The following SGCD variants were observed in gnomAD, a reference collection of about 807,000 sequenced individuals.
SGCD encodes delta-sarcoglycan.
SGCD carries 18 observed loss-of-function variants against 36.6 expected under a neutral mutation model. The observed-to-expected ratio is 0.49, with a 90% CI of 0.34 to 0.73. The LOEUF (loss-of-function observed/expected upper bound fraction) is 0.73, where lower values mean the gene tolerates loss of function less well. SGCD is among the 30% of genes least tolerant of loss of function. The probability of loss-of-function intolerance (pLI) is 0.01; values close to 1 mark genes in which losing one functional copy is unlikely to be tolerated. For synonymous variants in SGCD, 133 were observed against 130.6 expected (o/e 1.02, Z -0.12); for missense variants, 387 against 346.7 (o/e 1.12, Z -0.92).
chr5:156,304,386 A>G (rs927373067), intron 3 of SGCD, among the ~76,000 whole-genome samples: 3 of 152,234 alleles, frequency 2.0e-5, no homozygotes, highest in Admixed American at 1.3e-4. Flanking sequence ...ATGAGATCTG[A>G]TGGCTCTATA....
the SGCD span, among the ~76,000 whole-genome samples, chr5:155,791,962 C>A: frequency 6.6e-6 from 1 of 152,052 alleles, no homozygotes; most frequent in African/African-American, 2.4e-5. Context: ...CAATCCTCAG[C>A]AATAAGAATA....
the SGCD span, among the ~76,000 whole-genome samples, chr5:155,779,346 G>A: frequency 6.6e-6 from 1 of 152,022 alleles, no homozygotes; most frequent in Non-Finnish European, 1.5e-5. Context: ...GCTGAGGTGG[G>A]AGAATTGCTA....
chr5:156,229,259 T>TAC, intron 3 of SGCD, among the ~76,000 whole-genome samples: 1 of 84,016 alleles, frequency 1.2e-5, no homozygotes, highest in East Asian at 2.7e-4. Flanking sequence ...TATACATACA[T>TAC]ACATATATAT....
At chr5:155,816,952 C>T in the SGCD span, among the ~76,000 whole-genome samples, 5 of 152,124 alleles carry the variant, frequency 3.3e-5, no homozygotes, top group Admixed American at 1.3e-4. Flanking sequence ...TACTGCACAA[C>T]TGTTTTCATT....
intron 1 of SGCD, among the ~76,000 whole-genome samples, chr5:155,939,193 G>T (rs1473647134): frequency 1.3e-5 from 2 of 152,176 alleles, no homozygotes; most frequent in Admixed American, 6.5e-5. Flanking sequence ...ATTGCTAAGA[G>T]AATAGGTTTT....
At chr5:156,340,595 G>A (rs1042772541) in intron 2 of SGCD, among the ~76,000 whole-genome samples, 2 of 152,186 alleles carry the variant, frequency 1.3e-5, no homozygotes, top group African/African-American at 4.8e-5. Flanking sequence ...TAACACGAGG[G>A]GAAGTCAGAA....
intron 1 of SGCD, among the ~76,000 whole-genome samples, chr5:155,891,558 C>CTTTTTTTTTTTTTTT (rs372399423): frequency 0.018 from 1,099 of 60,688 alleles, 223 homozygotes; most frequent in African/African-American, 0.038. Context: ...AATAAATACT[C>CTTTTTTTTTTTTTTT]TTTTTTTTTT....
At chr5:155,748,728 G>T in the SGCD span, among the ~76,000 whole-genome samples, 2 of 152,132 alleles carry the variant, frequency 1.3e-5, no homozygotes, top group Non-Finnish European at 2.9e-5. Flanking sequence ...TGTCCATCAT[G>T]GCCCAAGCTG....
At chr5:155,782,144 C>A in the SGCD span, among the ~76,000 whole-genome samples, 1 of 151,958 alleles carries the variant, frequency 6.6e-6, no homozygotes, top group South Asian at 2.1e-4. Context: ...CCTGCTTCAG[C>A]CTCCTGAGTA....
At chr5:155,984,074 C>A (rs80045167) in intron 1 of SGCD, among the ~76,000 whole-genome samples, 6 of 152,302 alleles carry the variant, frequency 3.9e-5, no homozygotes, top group East Asian at 1.9e-4. Context: ...TGTTTGAAGA[C>A]CTTGTTGGCT....
chr5:156,540,823 C>T (rs1758321203), intron 4 of SGCD, among the ~76,000 whole-genome samples: 1 of 152,150 alleles, frequency 6.6e-6, no homozygotes, highest in African/African-American at 2.4e-5. Flanking sequence ...ACCACTTTTC[C>T]CACAAAGATG....
chr5:156,344,780 CA>C, intron 3 of SGCD, 103 bp downstream of exon 3: 1 of 828,046 alleles, frequency 1.2e-6, no homozygotes. Flanking sequence ...CAGTAGGACT[CA>C]AAAAATCTGT....
chr5:155,940,632 C>G (rs1757301791), intron 1 of SGCD, among the ~76,000 whole-genome samples: 1 of 152,054 alleles, frequency 6.6e-6, no homozygotes, highest in African/African-American at 2.4e-5. Context: ...GGTCACAAGT[C>G]AGGAGTTTGA....
intron 3 of SGCD, among the ~76,000 whole-genome samples, chr5:156,352,063 C>G (rs1282944711): frequency 6.6e-6 from 1 of 152,200 alleles, no homozygotes; most frequent in Non-Finnish European, 1.5e-5. Flanking sequence ...TATGAAGTCT[C>G]ATTCTAATAG....
chr5:156,167,711 A>G (rs1561547321), intron 3 of SGCD, among the ~76,000 whole-genome samples: 1 of 152,228 alleles, frequency 6.6e-6, no homozygotes, highest in Non-Finnish European at 1.5e-5. Flanking sequence ...TGCCATGGCT[A>G]AAAGTTACCT....
At chr5:156,261,362 C>G (rs553362824) in intron 3 of SGCD, among the ~76,000 whole-genome samples, 4 of 152,152 alleles carry the variant, frequency 2.6e-5, no homozygotes, top group Non-Finnish European at 5.9e-5. Flanking sequence ...TTAATACAGA[C>G]ACACACCACA....
rs997631179 is a variant in SGCD at position 156,319,317 on chromosome 5, A to G, written c.-43-10217A>G. ...GAAAATACAGGAATGTTTTTCTTCA[A>G]TTCATTCCAGCAGATATTTAATGAG... On this transcript the variant is annotated intron_variant, in intron 3 of 9. Transcript: ENST00000517913. Among the ~76,000 whole-genome samples the G allele has an allele frequency of 1.3e-4, 20 of 152,180 alleles. 1 individual carries two copies. Among genetic ancestry groups the G allele is most frequent in the Middle Eastern group, 3.2e-3 (1 of 316 alleles).
intron 6 of SGCD, among the ~76,000 whole-genome samples, chr5:156,630,900 G>C (rs1285455716): frequency 6.6e-6 from 1 of 152,026 alleles, no homozygotes; most frequent in Non-Finnish European, 1.5e-5. Flanking sequence ...TTAGAACCTA[G>C]GTGAGTGCCT....
chr5:156,091,530 A>T (rs1271780211), intron 1 of SGCD, among the ~76,000 whole-genome samples: 10 of 152,242 alleles, frequency 6.6e-5, no homozygotes, highest in Admixed American at 2.6e-4. Context: ...CCTTCCATGA[A>T]AGTACTCCTG....
Sources: gnomAD v4.1 joint callset for allele counts (sites outside exome capture counted in the v4.1 genomes callset) on GRCh38, gnomAD v4.1.1 for gene constraint, MANE v1.5 for transcripts, NCBI Gene and HGNC (gene_info 2026-07-23, HGNC 2026-07-21) for gene names.